Variants in CRYBG3 observed in about 807,000 individuals in gnomAD.
CRYBG3 encodes the protein crystallin beta-gamma domain containing 3.
A neutral mutation model predicts 244.2 loss-of-function variants in CRYBG3; 127 were observed. The observed-to-expected ratio is 0.52, with a 90% CI of 0.45 to 0.60. The LOEUF is 0.60. CRYBG3 is among the 20% of genes least tolerant of loss of function. The probability of loss-of-function intolerance (pLI) is 0.00; values close to 1 mark genes in which losing one functional copy is unlikely to be tolerated. For synonymous variants in CRYBG3, 1,132 were observed against 1,195.8 expected, an observed-to-expected ratio of 0.95 and a Z score of 1.10; for missense variants, 3,325 against 3,442.5, an observed-to-expected ratio of 0.97 and a Z score of 0.85.
At chr3:97,834,369 T>C (rs1242130824) in intron 1 of CRYBG3, among the ~76,000 whole-genome samples, 5 of 152,128 alleles carry the variant, frequency 3.3e-5, no homozygotes, top group Admixed American at 2.6e-4. Flanking sequence ...AAAATGGTAT[T>C]TGGGTGGTCT....
chr3:97,842,123 T>C, intron 1 of CRYBG3, among the ~76,000 whole-genome samples: 1 of 152,164 alleles, frequency 6.6e-6, no homozygotes, highest in Admixed American at 6.6e-5. Context: ...GCAAAGAACC[T>C]GACGTGCTCA....
intron 15 of CRYBG3, among the ~76,000 whole-genome samples, chr3:97,910,766 C>T (rs1450916350): frequency 2.0e-5 from 3 of 152,270 alleles, no homozygotes; most frequent in Non-Finnish European, 4.4e-5. Context: ...CATCTTGGCT[C>T]CTCCCCCTTC....
At chr3:97,887,405 C>G (rs1382296474) in intron 8 of CRYBG3, among the ~76,000 whole-genome samples, 1 of 152,140 alleles carries the variant, frequency 6.6e-6, no homozygotes, top group African/African-American at 2.4e-5. Context: ...GTATACAATT[C>G]TGGGGACACT....
At chr3:97,828,899 A>G (rs1302949025) in intron 1 of CRYBG3, among the ~76,000 whole-genome samples, 1 of 152,142 alleles carries the variant, frequency 6.6e-6, no homozygotes, top group Non-Finnish European at 1.5e-5. Flanking sequence ...CTAATTGTGT[A>G]TAGTATGCCC....
At chr3:97,828,475 A>G (rs907325445) in intron 1 of CRYBG3, among the ~76,000 whole-genome samples, 1 of 151,924 alleles carries the variant, frequency 6.6e-6, no homozygotes, top group Non-Finnish European at 1.5e-5. Context: ...ACCAAAAAGA[A>G]TAGGAAAGCT....
chr3:97,834,198 A>C (rs2038697381), intron 1 of CRYBG3, among the ~76,000 whole-genome samples: 1 of 152,170 alleles, frequency 6.6e-6, no homozygotes, highest in Admixed American at 6.5e-5. Context: ...ATGCTTTATA[A>C]GTGCTGATTT....
At chr3:97,870,573 A>G (rs75175301) in intron 3 of CRYBG3, among the ~76,000 whole-genome samples, 11 of 152,116 alleles carry the variant, frequency 7.2e-5, no homozygotes, top group Non-Finnish European at 1.3e-4. Flanking sequence ...TGTTTTTGCT[A>G]TTGTGGATAG....
intron 11 of CRYBG3, among the ~76,000 whole-genome samples, chr3:97,893,434 T>G (rs528212372): frequency 1.3e-5 from 2 of 152,358 alleles, no homozygotes; most frequent in African/African-American, 4.8e-5. Context: ...TGACATTGGT[T>G]GCCCTCCGGG....
chr3:97,848,036 C>A (rs2038928153), intron 2 of CRYBG3, among the ~76,000 whole-genome samples: 1 of 152,122 alleles, frequency 6.6e-6, no homozygotes, highest in Admixed American at 6.5e-5. Context: ...GAAGAATGAT[C>A]ACTAATTGTT....
intron 16 of CRYBG3, among the ~76,000 whole-genome samples, 163 bp downstream of exon 16, chr3:97,912,439 G>A (rs373242403): frequency 1.6e-3 from 242 of 152,138 alleles, no homozygotes; most frequent in African/African-American, 5.4e-3. Context: ...TTTGTATTTT[G>A]AGCTGTGATG....
chr3:97,829,341 G>A (rs988855924), intron 1 of CRYBG3, among the ~76,000 whole-genome samples: 1 of 152,144 alleles, frequency 6.6e-6, no homozygotes, highest in African/African-American at 2.4e-5. Context: ...TGTGAAACTG[G>A]GTGGAGTTGA....
intron 17 of CRYBG3, among the ~76,000 whole-genome samples, chr3:97,922,471 A>T (rs1333026204): frequency 1.3e-5 from 2 of 152,190 alleles, no homozygotes; most frequent in Non-Finnish European, 2.9e-5. Context: ...GAATCTACAA[A>T]GAACTCAAAC....
chr3:97,933,725 C>T lies in CRYBG3; in HGVS notation c.8273C>T (p.Ala2758Val). Residue 2758 changes from alanine (A) to valine (V), a missense_variant, in exon 18 of 22, where the codon GCT becomes GTT. Around this residue, in one of 4 missense-constraint regions of CRYBG3, gnomAD observed 714 missense variants for 803.6 expected, o/e 0.89. Coordinates refer to ENST00000389622, the MANE Select transcript of CRYBG3 (RefSeq NM_153605.4). ...VFEEPSISLF[A>V]LEHCEGRELH... ...GAAGAACCCTCCATCAGCCTTTTTG[C>T]TCTGGAGCATTGTGAGGGAAGAGAG... 1 of 1,612,984 alleles carries T rather than the reference C, an allele frequency of 6.2e-7. No homozygotes were observed. The highest frequency in any genetic ancestry group is 8.5e-7 in the Non-Finnish European group (1 of 1,179,316).
intron 17 of CRYBG3, among the ~76,000 whole-genome samples, chr3:97,932,801 T>C (rs1368844242): frequency 1.3e-5 from 2 of 151,960 alleles, no homozygotes; most frequent in African/African-American, 4.8e-5. Flanking sequence ...TGTGTTTCTC[T>C]TGTCTTGCTT....
Position 97,876,055 on chromosome 3 carries a change from G to A in CRYBG3, c.4861G>A (p.Ala1621Thr), listed in dbSNP as rs2108218218. The A allele has an allele frequency of 8.1e-7, 1 of 1,232,046 alleles. No individual in the cohort carries two copies. Among genetic ancestry groups the A allele is most frequent in the East Asian group, 3.2e-5 (1 of 31,696 alleles). 76.3% of individuals were successfully genotyped at this position (1,232,046 alleles called of 1,614,324 possible). The change falls in exon 4 of 22, where the codon GCT (alanine) becomes ACT (threonine). Residue 1621 changes from alanine to threonine, a missense_variant. Ala to Thr is a moderately conservative substitution (Grantham distance 58, BLOSUM62 0). Coordinates refer to ENST00000389622, the MANE Select transcript of CRYBG3 (RefSeq NM_153605.4). ...GSAVILGMEK[A>T]YKMKDTEGDI... Reference sequence around the variant, plus strand: ...AGCTGTCATTTTAGGAATGGAAAAAGCTTATAAGATGAAGGATACTGAAGG... The same window carrying A: ...AGCTGTCATTTTAGGAATGGAAAAAACTTATAAGATGAAGGATACTGAAGG...
In CRYBG3 at chr3:97,900,179, C is replaced by T. The variant is rs831893; in HGVS notation, c.7972-274C>T. Among the ~76,000 whole-genome samples, 340 of 152,176 alleles carry T rather than the reference C, an allele frequency of 2.2e-3. 2 individuals are homozygous for T. In the East Asian group the frequency reaches 0.025, roughly 11 times the overall value. On this transcript the variant is annotated intron_variant, in intron 14 of 21. Coordinates refer to ENST00000389622, the MANE Select transcript of CRYBG3 (RefSeq NM_153605.4). ...CCTGAGCAACACAGTGAGACCTCGT[C>T]TTTACAAAATTAAGCAAAATTAACT...
intron 2 of CRYBG3, among the ~76,000 whole-genome samples, chr3:97,855,282 A>G (rs2039047678): frequency 6.6e-6 from 1 of 152,026 alleles, no homozygotes; most frequent in Non-Finnish European, 1.5e-5. Context: ...TTCTAGGGTA[A>G]TGGCCTGTAG....
intron 19 of CRYBG3, among the ~76,000 whole-genome samples, chr3:97,940,836 CTCA>C (rs1415583365): frequency 1.3e-5 from 2 of 151,856 alleles, no homozygotes; most frequent in Non-Finnish European, 2.9e-5. Flanking sequence ...TTGAATGAAA[CTCA>C]TCAAGTCCCT....
chr3:97,854,995 T>C (rs2039043615), intron 2 of CRYBG3, among the ~76,000 whole-genome samples: 1 of 152,162 alleles, frequency 6.6e-6, no homozygotes, highest in South Asian at 2.1e-4. Flanking sequence ...ATTTGTCATA[T>C]ATGGCCTTTA....
Sources: gnomAD v4.1 joint callset for allele counts (sites outside exome capture counted in the v4.1 genomes callset) on GRCh38, gnomAD v4.1.1 for gene constraint, gnomAD v4.1.1 regional missense constraint, MANE v1.5 for transcripts, NCBI Gene and HGNC (gene_info 2026-07-23, HGNC 2026-07-21) for gene names.